The following ST3GAL2 variants were observed in gnomAD, a reference collection of about 807,000 sequenced individuals.
ST3GAL2 encodes ST3 beta-galactoside alpha-2,3-sialyltransferase 2.
In ST3GAL2, 16 loss-of-function variants were observed where a neutral mutation model predicts 37.5. That is an observed-to-expected ratio of 0.43 (90% CI 0.29 to 0.65). The LOEUF is 0.65. Among genes scored for constraint, ST3GAL2 ranks in the 30% least tolerant of loss-of-function variants. ST3GAL2 has a pLI of 0.17. For missense variants in ST3GAL2, 383 were observed against 487.8 expected (o/e 0.79, Z 2.02); for synonymous variants, 238 against 202.9 (o/e 1.17, Z -1.47).
chr16:70,438,321 G>T (rs1002781515), intron 1 of ST3GAL2, among the ~76,000 whole-genome samples: 3 of 152,174 alleles, frequency 2.0e-5, no homozygotes, highest in African/African-American at 7.2e-5. Context: ...GGCAGAGAAG[G>T]AACAGGAGAG....
chr16:70,418,263 T>G (rs2047689271), intron 1 of ST3GAL2, among the ~76,000 whole-genome samples: 1 of 152,196 alleles, frequency 6.6e-6, no homozygotes, highest in South Asian at 2.1e-4. Flanking sequence ...TCAGGCCAGC[T>G]TCCTGCTCTG....
At chr16:70,418,848 C>T (rs1054501889) in intron 1 of ST3GAL2, among the ~76,000 whole-genome samples, 2 of 152,158 alleles carry the variant, frequency 1.3e-5, no homozygotes, top group Admixed American at 6.5e-5. Flanking sequence ...CCCTCTCCTC[C>T]CCCACCCACG....
At chr16:70,418,542 G>T (rs1021070658) in intron 1 of ST3GAL2, among the ~76,000 whole-genome samples, 1 of 152,152 alleles carries the variant, frequency 6.6e-6, no homozygotes, top group Non-Finnish European at 1.5e-5. Context: ...GGGGCTTCAA[G>T]GAGGAAAAGG....
At chr16:70,409,499 A>T (rs901424547) in intron 1 of ST3GAL2, among the ~76,000 whole-genome samples, 1 of 152,094 alleles carries the variant, frequency 6.6e-6, no homozygotes, top group Non-Finnish European at 1.5e-5. Context: ...ATGCGCCACC[A>T]TGCCTGGCTA....
At chr16:70,402,806 C>T (rs2047565111) in intron 1 of ST3GAL2, among the ~76,000 whole-genome samples, 1 of 152,158 alleles carries the variant, frequency 6.6e-6, no homozygotes, top group Non-Finnish European at 1.5e-5. Context: ...TGTGCCACCA[C>T]ACCCAGCTAA....
At chr16:70,432,967 G>A (rs372254605) in intron 1 of ST3GAL2, among the ~76,000 whole-genome samples, 116 of 152,350 alleles carry the variant, frequency 7.6e-4, no homozygotes, top group Admixed American at 8.5e-4. Context: ...GGGGCTCGGC[G>A]GCCCCACCGC....
intron 1 of ST3GAL2, among the ~76,000 whole-genome samples, chr16:70,421,303 C>T (rs2047712769): frequency 6.6e-6 from 1 of 152,212 alleles, no homozygotes; most frequent in African/African-American, 2.4e-5. Flanking sequence ...TGTGAGTAGG[C>T]CCAAAGTGGG....
At chr16:70,432,514 A>G (rs948201390) in intron 1 of ST3GAL2, among the ~76,000 whole-genome samples, 4 of 152,182 alleles carry the variant, frequency 2.6e-5, no homozygotes, top group Non-Finnish European at 5.9e-5. Context: ...AAGCCTGACA[A>G]TATGTTGTAA....
At chr16:70,405,942 T>C (rs561265029) in intron 1 of ST3GAL2, among the ~76,000 whole-genome samples, 3 of 151,446 alleles carry the variant, frequency 2.0e-5, no homozygotes, top group Admixed American at 2.0e-4. Flanking sequence ...GCGCCTGTGG[T>C]CCCAGCTACT....
At chr16:70,421,125 G>A (rs2047711642) in intron 1 of ST3GAL2, among the ~76,000 whole-genome samples, 1 of 152,220 alleles carries the variant, frequency 6.6e-6, no homozygotes, top group Admixed American at 6.5e-5. Context: ...GGGCTGGGGA[G>A]GACAGTGCCT....
intron 1 of ST3GAL2, among the ~76,000 whole-genome samples, chr16:70,410,816 T>G (rs1427748375): frequency 2.7e-5 from 4 of 150,644 alleles, no homozygotes; most frequent in African/African-American, 4.9e-5. Context: ...CTGTTTTTTT[T>G]TTTTTTTTTT....
At chr16:70,382,002 G>T in intron 6 of ST3GAL2, 140 bp from the exon 7 acceptor site, 1 of 995,738 alleles carries the variant, frequency 1.0e-6, no homozygotes, top group Non-Finnish European at 1.5e-6. Context: ...TAAGGACATG[G>T]ACTCACATGG....
intron 1 of ST3GAL2, among the ~76,000 whole-genome samples, chr16:70,417,034 G>A (rs758117766): frequency 2.0e-5 from 3 of 152,192 alleles, no homozygotes; most frequent in Non-Finnish European, 4.4e-5. Context: ...GAAAAACTTG[G>A]ATTCACATTG....
chr16:70,411,235 A>C (rs531673372), intron 1 of ST3GAL2, among the ~76,000 whole-genome samples: 1 of 151,920 alleles, frequency 6.6e-6, no homozygotes, highest in Non-Finnish European at 1.5e-5. Context: ...AAATACAAAA[A>C]TTAGCTGGGC....
chr16:70,414,589 C>T (rs1567674163), intron 1 of ST3GAL2, among the ~76,000 whole-genome samples: 2 of 152,188 alleles, frequency 1.3e-5, no homozygotes, highest in Admixed American at 6.5e-5. Flanking sequence ...CACTGAAAAT[C>T]GGAACAATTG....
intron 3 of ST3GAL2, among the ~76,000 whole-genome samples, chr16:70,389,677 G>A (rs1276185180): frequency 6.6e-6 from 1 of 152,150 alleles, no homozygotes; most frequent in Non-Finnish European, 1.5e-5. Context: ...TGATAGCCAG[G>A]ATGGTCTCCA....
intron 1 of ST3GAL2, among the ~76,000 whole-genome samples, chr16:70,422,741 C>T (rs756557572): frequency 1.3e-5 from 2 of 152,184 alleles, no homozygotes; most frequent in Non-Finnish European, 2.9e-5. Context: ...AGCAAAGTGA[C>T]TCACCTGAGG....
intron 1 of ST3GAL2, 145 bp from the exon 2 acceptor site, chr16:70,399,678 C>T (rs1361329114): frequency 8.0e-6 from 3 of 375,706 alleles, no homozygotes; most frequent in African/African-American, 4.1e-5. Flanking sequence ...GCTCTGCCCT[C>T]TAGCTGCACA....
chr16:70,403,673 C>T (rs1339567116), intron 1 of ST3GAL2, among the ~76,000 whole-genome samples: 2 of 152,092 alleles, frequency 1.3e-5, no homozygotes, highest in Non-Finnish European at 2.9e-5. Context: ...ATTAGCTGGG[C>T]GTGGTGGTGG....
Sources: gnomAD v4.1 joint callset for allele counts (sites outside exome capture counted in the v4.1 genomes callset) on GRCh38, gnomAD v4.1.1 for gene constraint, MANE v1.5 for transcripts, NCBI Gene and HGNC (gene_info 2026-07-23, HGNC 2026-07-21) for gene names.